Variants in BIRC7 observed in about 807,000 individuals in gnomAD.
BIRC7 encodes baculoviral IAP repeat-containing protein 7.
Under a neutral mutation model 33.2 loss-of-function variants are expected in BIRC7, and 26 were observed. That is an observed-to-expected ratio of 0.78 (90% confidence interval 0.57 to 1.09). The LOEUF (loss-of-function observed/expected upper bound fraction) is 1.09. Ranked by LOEUF, BIRC7 falls within the 50% of genes least tolerant of loss-of-function variation. The probability of loss-of-function intolerance (pLI) is 0.00; values close to 1 mark genes in which losing one functional copy is unlikely to be tolerated. For synonymous variants in BIRC7, 176 were observed against 171.0 expected (o/e 1.03, Z -0.23); for missense variants, 409 against 401.2 (o/e 1.02, Z -0.17).
At chr20:63,238,050 T>C in intron 2 of BIRC7, 48 bp downstream of exon 2, 3 of 1,468,236 alleles carry the variant, frequency 2.0e-6, no homozygotes, top group Non-Finnish European at 2.7e-6. Flanking sequence ...GGGTAGGGGG[T>C]GGGCCCCCAA....
intron 2 of BIRC7, 107 bp from the exon 3 acceptor site, chr20:63,238,289 C>T (rs1280500478): frequency 3.5e-5 from 47 of 1,351,798 alleles, no homozygotes; most frequent in Non-Finnish European, 4.8e-5. Context: ...ACGGGCACTG[C>T]AGGGTGGCGG....
chr20:63,236,380 A>G lies in BIRC7; in HGVS notation c.284A>G (p.Tyr95Cys). The G allele has an allele frequency of 6.3e-7, 1 of 1,577,590 alleles. No homozygotes were observed. Among genetic ancestry groups the G allele is most frequent in the African/African-American group, 1.3e-5 (1 of 74,374 alleles). The change falls in exon 1 of 7, where the codon TAT (tyrosine) becomes TGT (cysteine). Residue 95 changes from tyrosine to cysteine, a missense_variant. By Grantham distance (194) the Tyr-to-Cys change is radical. Coordinates refer to ENST00000217169, the MANE Select transcript of BIRC7 (RefSeq NM_139317.3). ...GAGGAGTTGCGTCTGGCCTCCTTCT[A>G]TGACTGGCCGCTGACTGCTGAGGTG... Reference protein sequence around the residue: ...GSEELRLASFYDWPLTAEVPP... With the variant: ...GSEELRLASFCDWPLTAEVPP...
chr20:63,240,055 G>A (rs887391471), intron 6 of BIRC7, among the ~76,000 whole-genome samples: 4 of 152,370 alleles, frequency 2.6e-5, no homozygotes, highest in Non-Finnish European at 5.9e-5. Context: ...AGAGAAGTGG[G>A]TGGGATACCC....
intron 1 of BIRC7, among the ~76,000 whole-genome samples, chr20:63,237,374 G>A (rs1296216728): frequency 2.0e-5 from 3 of 152,242 alleles, no homozygotes; most frequent in Non-Finnish European, 2.9e-5. Context: ...GATGTCAGTG[G>A]CAGGTGACGT....
In BIRC7 at chr20:63,236,603, T is replaced by C. The variant is rs547420781; in HGVS notation, c.349+158T>C. On this transcript the variant is annotated intron_variant, in intron 1 of 6. Transcript: ENST00000217169. ...GTCCTGCAAGCCCCTCCAGTGCCCA[T>C]GGGCTCGTGCCTGACACCCTCCCCC... Among the ~76,000 whole-genome samples the C allele has an allele frequency of 3.3e-5, 5 of 152,312 alleles. No individual in the cohort carries two copies. The South Asian group carries it at 1.0e-3, about 32-fold the overall frequency.
chr20:63,238,778 AGGGTG>A, intron 4 of BIRC7, 164 bp downstream of exon 4: 1 of 856,912 alleles, frequency 1.2e-6, no homozygotes, highest in Non-Finnish European at 1.8e-6. Context: ...GTGCCATGTG[AGGGTG>A]GGGGCGGGGC....
intron 2 of BIRC7, 188 bp from the exon 3 acceptor site, chr20:63,238,208 A>G (rs2066703816): frequency 1.2e-6 from 1 of 864,998 alleles, no homozygotes; most frequent in African/African-American, 1.7e-5. Flanking sequence ...GGGGGCAGAA[A>G]TGCCTCTCCC....
intron 4 of BIRC7, 51 bp downstream of exon 4, chr20:63,238,665 C>T (rs1395916885): frequency 6.2e-7 from 1 of 1,604,540 alleles, no homozygotes; most frequent in South Asian, 1.1e-5. Context: ...GCAGCCTGTG[C>T]TTGGCCAAGG....
In BIRC7 at chr20:63,238,613, C is replaced by T. The variant is rs756051104; in HGVS notation, c.576C>T (p.Ser192=). 7.4e-6 allele frequency: 12 copies of T among 1,612,664 alleles called. No homozygotes were observed. In the Admixed American group the frequency reaches 8.3e-5, roughly 11 times the overall value. ...EPEDAAPVAP[S]VPASGYPELP... is the part of the protein sequence containing the mutation. ...AAGACGCAGCCCCTGTGGCCCCCTC[C>T]GGTGAGAGCTGACACCACCCCTGCT... The change falls in exon 4 of 7, where the codon TCC becomes TCT. Residue 192 remains serine, a splice_region_variant and synonymous_variant. Coordinates refer to ENST00000217169, the MANE Select transcript of BIRC7 (RefSeq NM_139317.3).
intron 5 of BIRC7, 62 bp downstream of exon 5, chr20:63,239,295 T>C: frequency 6.2e-7 from 1 of 1,606,580 alleles, no homozygotes; most frequent in Non-Finnish European, 8.5e-7. Context: ...GACCCCGACC[T>C]TCCATGGCCC....
rs576203860 is a variant in BIRC7, at chr20:63,236,842, G to T, written c.349+397G>T. ...GAGATGTTTAAAGAACAGGATCAGG[G>T]TGACCAAGGCAGGCAGTGGTCAGCC... On this transcript the variant is annotated intron_variant, in intron 1 of 6. Coordinates refer to ENST00000217169, the MANE Select transcript of BIRC7 (RefSeq NM_139317.3). Among the ~76,000 whole-genome samples, 3 of 152,354 alleles carry T rather than the reference G, an allele frequency of 2.0e-5. No homozygotes were observed. The East Asian group carries it at 5.8e-4, about 29-fold the overall frequency.
In BIRC7 at chr20:63,238,605, G is replaced by A. The variant is rs1355851461; in HGVS notation, c.568G>A (p.Ala190Thr). The A allele has an allele frequency of 1.9e-6, 3 of 1,612,702 alleles. No homozygotes were observed. Among genetic ancestry groups the A allele is most frequent in the African/African-American group, 1.3e-5 (1 of 74,934 alleles). ...WEEPEDAAPV[A>T]PSVPASGYPE... ...AGAACCGGAAGACGCAGCCCCTGTG[G>A]CCCCCTCCGGTGAGAGCTGACACCA... Residue 190 changes from alanine (A) to threonine (T), a missense_variant, in exon 4 of 7, where the codon GCC becomes ACC. Physicochemically the swap from Ala to Thr is moderately conservative, Grantham distance 58 (BLOSUM62 0). Coordinates refer to ENST00000217169, the MANE Select transcript of BIRC7 (RefSeq NM_139317.3).
Position 63,238,003 on chromosome 20 carries a change from G to A in BIRC7, c.449+1G>A. 1 of 1,590,368 alleles carries A rather than the reference G, an allele frequency of 6.3e-7. No individual in the cohort carries two copies. The highest frequency in any genetic ancestry group is 8.5e-7 in the Non-Finnish European group (1 of 1,170,848). On this transcript the variant is annotated splice_donor_variant, in intron 2 of 6. Coordinates refer to ENST00000217169, the MANE Select transcript of BIRC7 (RefSeq NM_139317.3). LOFTEE classifies it high-confidence loss of function. ...CGGAGCATGCCAAGTGGTTCCCCAG[G>A]TACCGGCTGCCCCTGCGGGGCCCCG...
rs1301216411 is a variant in BIRC7 at position 63,238,600 on chromosome 20, C to T, written c.563C>T (p.Pro188Leu). The T allele has an allele frequency of 1.2e-6, 2 of 1,612,972 alleles. No homozygotes were observed. Among genetic ancestry groups the T allele is most frequent in the Non-Finnish European group, 1.7e-6 (2 of 1,179,970 alleles). Residue 188 changes from proline to leucine, a missense_variant, in exon 4 of 7, where the codon CCT becomes CTT. Physicochemically the swap from Pro to Leu is moderately conservative, Grantham distance 98. Coordinates refer to ENST00000217169, the MANE Select transcript of BIRC7 (RefSeq NM_139317.3). ...TGGGAAGAACCGGAAGACGCAGCCC[C>T]TGTGGCCCCCTCCGGTGAGAGCTGA... ...DPWEEPEDAA[P>L]VAPSVPASGY...
chr20:63,237,031 G>A (rs2066693167), intron 1 of BIRC7, among the ~76,000 whole-genome samples: 1 of 152,266 alleles, frequency 6.6e-6, no homozygotes, highest in Non-Finnish European at 1.5e-5. Context: ...TCAGACCTGA[G>A]TTCAGGTCCC....
Position 63,237,965 on chromosome 20 carries a change from G to C in BIRC7, c.412G>C (p.Asp138His). Reference sequence around the variant, plus strand: ...GGGCCTGCAGAGCTGGAAGCGCGGGGACGACCCCTGGACGGAGCATGCCAA... The same window carrying C: ...GGGCCTGCAGAGCTGGAAGCGCGGGCACGACCCCTGGACGGAGCATGCCAA... The part of the protein sequence containing the change: ...YGGLQSWKRG[D>H]DPWTEHAKWF... Residue 138 changes from aspartate to histidine, a missense_variant, in exon 2 of 7, where the codon GAC becomes CAC. Coordinates refer to ENST00000217169, the MANE Select transcript of BIRC7 (RefSeq NM_139317.3). The C allele has an allele frequency of 6.2e-7, 1 of 1,608,950 alleles. No individual in the cohort carries two copies. The highest frequency in any genetic ancestry group is 8.5e-7 in the Non-Finnish European group (1 of 1,178,594).
At chr20:63,237,826 A>G (rs551445048) in intron 1 of BIRC7, 77 bp from the exon 2 acceptor site, 12 of 1,303,924 alleles carry the variant, frequency 9.2e-6, no homozygotes, top group Non-Finnish European at 1.2e-5. Context: ...TGAAGCTCTC[A>G]TAGCCTTGGA....
intron 6 of BIRC7, among the ~76,000 whole-genome samples, chr20:63,239,870 C>T (rs2273492): frequency 0.29 from 43,766 of 152,218 alleles, 7,479 homozygotes; most frequent in East Asian, 0.5. Flanking sequence ...CGCCTGCTGG[C>T]TCCTCTCAGC....
chr20:63,239,738 C>A, intron 6 of BIRC7, 128 bp downstream of exon 6: 1 of 1,285,428 alleles, frequency 7.8e-7, no homozygotes, highest in Non-Finnish European at 1.0e-6. Context: ...TTACCCGGCT[C>A]CCAGGTCCCG....
Sources: allele counts gnomAD v4.1 joint callset (sites outside exome capture counted in the v4.1 genomes callset), GRCh38; gene constraint gnomAD v4.1.1; transcripts MANE v1.5; gene names NCBI Gene and HGNC (gene_info 2026-07-23, HGNC 2026-07-21).